Variants in PRKDC observed in about 807,000 individuals in gnomAD.
The protein encoded by PRKDC is DNA-dependent protein kinase catalytic subunit.
Under a neutral mutation model 486.9 loss-of-function variants are expected in PRKDC, and 82 were observed. That is an observed-to-expected ratio of 0.17 (90% CI 0.14 to 0.20). PRKDC has a LOEUF of 0.20. Among genes scored for constraint, PRKDC ranks in the 10% least tolerant of loss-of-function variants. The pLI, the probability that PRKDC is intolerant of heterozygous loss-of-function variation, is 1.00. For missense variants in PRKDC, 4,504 were observed against 5,038.2 expected, an observed-to-expected ratio of 0.89 and a Z score of 3.21; for synonymous variants, 1,895 against 1,837.0, an observed-to-expected ratio of 1.03 and a Z score of -0.81.
At position 47,916,916 on chromosome 8, in the gene PRKDC, TCA is replaced by T. The variant is rs373572597; in HGVS notation, c.2526+1359_2526+1360del. ...CCTTGCACCCTGGATCCCCCAGGGG[TCA>T]CAGTTAGAGAACCATAGTGCTAAGG... is the stretch of plus-strand genomic sequence containing the variant. On this transcript the variant is annotated intron_variant, in intron 22 of 85. Coordinates refer to ENST00000314191, the MANE Select transcript of PRKDC (RefSeq NM_006904.7). 2.7e-3 allele frequency among the ~76,000 whole-genome samples: 416 copies of T among 152,182 alleles called. 4 individuals carry two copies. Among genetic ancestry groups the T allele is most frequent in the South Asian group, 0.025 (119 of 4,816 alleles).
At chr8:47,928,453 G>A (rs751004545) in intron 19 of PRKDC, among the ~76,000 whole-genome samples, 1 of 152,094 alleles carries the variant, frequency 6.6e-6, no homozygotes. Flanking sequence ...GTGCCTGGCT[G>A]AGGGACTTTT....
chr8:47,929,036 G>T, intron 19 of PRKDC, 56 bp downstream of exon 19: 1 of 1,230,800 alleles, frequency 8.1e-7, no homozygotes, highest in Non-Finnish European at 1.2e-6. Flanking sequence ...TTTTTCAATA[G>T]ATATTCATTT....
At chr8:47,946,447 G>C (rs2090533229) in intron 7 of PRKDC, among the ~76,000 whole-genome samples, 1 of 152,056 alleles carries the variant, frequency 6.6e-6, no homozygotes, top group African/African-American at 2.4e-5. Flanking sequence ...CTTCACTCTA[G>C]AGGTCCCATT....
At position 47,930,013 on chromosome 8, in the gene PRKDC, CTG is replaced by C; in HGVS notation, c.1893-3_1893-2del. The C allele has an allele frequency of 6.3e-7, 1 of 1,593,820 alleles. No homozygotes were observed. The highest frequency in any genetic ancestry group is 1.4e-5 in the African/African-American group (1 of 73,772). On this transcript the variant is annotated splice_acceptor_variant and splice_polypyrimidine_tract_variant and intron_variant, in intron 17 of 85. Coordinates refer to ENST00000314191, the MANE Select transcript of PRKDC (RefSeq NM_006904.7). LOFTEE classifies it high-confidence loss of function. ...TGCTTGTTTCTCAGGGAGAATCTCT[CTG>C]TAAAAACAAATTAGAAATTGAAGGT...
chr8:47,818,708 T>C (rs537106446), intron 67 of PRKDC, among the ~76,000 whole-genome samples: 16 of 152,142 alleles, frequency 1.1e-4, no homozygotes, highest in Non-Finnish European at 2.1e-4. Flanking sequence ...AAAATAATTT[T>C]CCAAAATTAA....
intron 83 of PRKDC, 70 bp from the exon 84 acceptor site, chr8:47,777,944 A>T (rs2086634356): frequency 7.2e-7 from 1 of 1,383,160 alleles, no homozygotes; most frequent in African/African-American, 1.4e-5. Context: ...CACAAATGGC[A>T]GCATCCTCAC....
At chr8:47,959,838 G>A in intron 1 of PRKDC, 135 bp downstream of exon 1, 1 of 1,413,458 alleles carries the variant, frequency 7.1e-7, no homozygotes. Flanking sequence ...CACATACACA[G>A]AAATTCCCCC....
Position 47,820,693 on chromosome 8 carries a change from CATATAT to C in PRKDC, c.9336+20_9336+25del. 1 of 1,118,154 alleles carries C rather than the reference CATATAT, an allele frequency of 8.9e-7. No homozygotes were observed. The highest frequency in any genetic ancestry group is 1.2e-6 in the Non-Finnish European group (1 of 819,314). 69.3% of individuals were successfully genotyped at this position (1,118,154 alleles called of 1,614,324 possible). A position where few individuals can be genotyped will look rare whatever the true frequency, so the allele number is the denominator to read the frequency against. On this transcript the variant is annotated intron_variant, in intron 66 of 85. Coordinates refer to ENST00000314191, the MANE Select transcript of PRKDC (RefSeq NM_006904.7). ...TATATATACACTATATATATACAAG[CATATAT>C]ATATAATATATAGTATTACCTGCAT...
chr8:47,935,511 G>GA lies in PRKDC; in HGVS notation c.1447+220dup, dbSNP rs532399097. ...CGAGACTCTTGTCACCAAAAAAAAT[G>GA]AAAAAAAACTATTAAAATTAATAGT... On this transcript the variant is annotated intron_variant, in intron 13 of 85. Coordinates refer to ENST00000314191, the MANE Select transcript of PRKDC (RefSeq NM_006904.7). 1.1e-3 allele frequency among the ~76,000 whole-genome samples: 168 copies of GA among 150,646 alleles called. 2 individuals are homozygous for GA. In the South Asian group the frequency reaches 0.018, roughly 16 times the overall value.
intron 77 of PRKDC, 141 bp from the exon 78 acceptor site, chr8:47,783,950 C>T: frequency 1.2e-6 from 1 of 812,018 alleles, no homozygotes; most frequent in African/African-American, 1.7e-5. Context: ...TTAAAGGGAA[C>T]TGACTTTAAA....
chr8:47,944,876 G>A (rs780769383), intron 7 of PRKDC, among the ~76,000 whole-genome samples: 20 of 152,196 alleles, frequency 1.3e-4, no homozygotes, highest in Non-Finnish European at 2.6e-4. Flanking sequence ...AGGCCTTAAA[G>A]CAGAGAAACA....
At chr8:47,801,397 TA>T (rs1055366384) in intron 70 of PRKDC, among the ~76,000 whole-genome samples, 5 of 152,202 alleles carry the variant, frequency 3.3e-5, no homozygotes, top group African/African-American at 1.2e-4. Context: ...ATTAAGAAAT[TA>T]ATAAAAATAA....
intron 26 of PRKDC, 115 bp from the exon 27 acceptor site, chr8:47,902,910 C>A: frequency 4.4e-6 from 3 of 685,384 alleles, no homozygotes; most frequent in Non-Finnish European, 6.5e-6. Context: ...ATTTATAGCA[C>A]TAGTCAAGAA....
intron 10 of PRKDC, among the ~76,000 whole-genome samples, chr8:47,941,913 T>C (rs1264223932): frequency 1.3e-5 from 2 of 152,240 alleles, no homozygotes; most frequent in Non-Finnish European, 2.9e-5. Context: ...GAAAAGTCTC[T>C]GGCAAGGATG....
intron 29 of PRKDC, among the ~76,000 whole-genome samples, chr8:47,897,562 T>C (rs763711083): frequency 2.0e-5 from 3 of 152,248 alleles, no homozygotes; most frequent in Non-Finnish European, 4.4e-5. Flanking sequence ...AGTATTTTCA[T>C]GTTTCCTTTG....
chr8:47,820,672 T>C (rs1160689024), intron 66 of PRKDC, 47 bp downstream of exon 66: 3 of 952,696 alleles, frequency 3.1e-6, no homozygotes, highest in Non-Finnish European at 4.2e-6. Flanking sequence ...ATAATATATA[T>C]ATACACTATA....
chr8:47,836,378 G>A lies in PRKDC; in HGVS notation c.7911C>T (p.Ala2637=). 6.2e-7 allele frequency: 1 copy of A among 1,607,032 alleles called. No homozygotes were observed. Among genetic ancestry groups the A allele is most frequent in the Non-Finnish European group, 8.5e-7 (1 of 1,175,764 alleles). ...ARWPVAGQIR[A]TQQQHDFTLT... is the part of the protein sequence containing the mutation. ...GTGTGAAGTCATGCTGCTGCTGGGT[G>A]GCCCTTATCTGCCCTGCCACTGGCC... Residue 2637 remains alanine, a synonymous_variant, in exon 58 of 86, where the codon GCC becomes GCT. Coordinates refer to ENST00000314191, the MANE Select transcript of PRKDC (RefSeq NM_006904.7).
intron 41 of PRKDC, 146 bp downstream of exon 41, chr8:47,864,410 T>C: frequency 1.4e-6 from 1 of 696,240 alleles, no homozygotes; most frequent in Non-Finnish European, 2.3e-6. Context: ...CCACAGGAAA[T>C]AAAGGCAGAT....
In PRKDC at chr8:47,868,589, G is replaced by A. The variant is rs2088870548; in HGVS notation, c.5364-3826C>T. Among the ~76,000 whole-genome samples the A allele has an allele frequency of 4.6e-5, 7 of 152,092 alleles. No individual in the cohort carries two copies. The South Asian group carries it at 1.5e-3, about 32-fold the overall frequency. On this transcript the variant is annotated intron_variant, in intron 40 of 85. Coordinates refer to ENST00000314191, the MANE Select transcript of PRKDC (RefSeq NM_006904.7). ...AAAAATAATAAATGAATGAATGAAT[G>A]ATAAAATTCAATGGAAGGAGTGGAC...
Sources: allele counts gnomAD v4.1 joint callset (sites outside exome capture counted in the v4.1 genomes callset), GRCh38; gene constraint gnomAD v4.1.1; transcripts MANE v1.5; gene names NCBI Gene and HGNC (gene_info 2026-07-23, HGNC 2026-07-21).